The following CPPED1 variants were observed in gnomAD, a reference collection of about 807,000 sequenced individuals.
CPPED1 encodes serine/threonine-protein phosphatase CPPED1.
CPPED1 carries 28 observed loss-of-function variants against 28.0 expected under a neutral mutation model. The ratio of observed to expected loss-of-function variants is 1.00; its 90% CI spans 0.74 to 1.37. CPPED1 has a LOEUF of 1.37. Ranked by LOEUF, CPPED1 falls within the 40% of genes most tolerant of loss-of-function variation. The pLI is 0.00. For missense variants in CPPED1, 504 were observed against 416.5 expected, an observed-to-expected ratio of 1.21 and a Z score of -1.83; for synonymous variants, 198 against 180.2, an observed-to-expected ratio of 1.10 and a Z score of -0.79.
At chr16:12,740,157 AC>A (rs1439014366) in intron 2 of CPPED1, among the ~76,000 whole-genome samples, 4 of 152,120 alleles carry the variant, frequency 2.6e-5, no homozygotes, top group Non-Finnish European at 4.4e-5. Context: ...TATTTAAGAT[AC>A]TTTTTAGGCC....
intron 1 of CPPED1, among the ~76,000 whole-genome samples, chr16:12,789,890 T>C (rs1266997005): frequency 3.3e-5 from 5 of 152,132 alleles, no homozygotes; most frequent in Non-Finnish European, 7.3e-5. Context: ...AAATGAAAAA[T>C]TGACCTTAGA....
chr16:12,763,142 G>T (rs929276284), intron 2 of CPPED1, among the ~76,000 whole-genome samples: 1 of 151,392 alleles, frequency 6.6e-6, no homozygotes, highest in South Asian at 2.1e-4. Context: ...TGAGGCAGGA[G>T]AATTGCTTAA....
chr16:12,718,810 A>G (rs1183628200), intron 2 of CPPED1, among the ~76,000 whole-genome samples: 1 of 152,090 alleles, frequency 6.6e-6, no homozygotes, highest in Non-Finnish European at 1.5e-5. Context: ...TAAAAATACA[A>G]AAAATAGCTG....
intron 2 of CPPED1, among the ~76,000 whole-genome samples, chr16:12,728,942 T>G (rs1415703460): frequency 6.6e-6 from 1 of 152,142 alleles, no homozygotes; most frequent in African/African-American, 2.4e-5. Flanking sequence ...ACCTGGATAG[T>G]AAGTGAATGG....
chr16:12,779,311 T>A (rs1477018250), intron 2 of CPPED1, among the ~76,000 whole-genome samples: 1 of 152,030 alleles, frequency 6.6e-6, no homozygotes, highest in East Asian at 1.9e-4. Flanking sequence ...CTCAAACTCC[T>A]GGACTCAAGT....
chr16:12,762,265 G>A (rs1045252562), intron 2 of CPPED1, among the ~76,000 whole-genome samples: 28 of 152,238 alleles, frequency 1.8e-4, no homozygotes, highest in Non-Finnish European at 3.4e-4. Context: ...AGAGGGTAAC[G>A]CCACGGAGAT....
At chr16:12,710,953 G>C (rs888083495) in intron 2 of CPPED1, among the ~76,000 whole-genome samples, 2 of 152,092 alleles carry the variant, frequency 1.3e-5, no homozygotes, top group African/African-American at 4.8e-5. Context: ...ATTAAACGTA[G>C]GATTACCAGA....
intron 2 of CPPED1, among the ~76,000 whole-genome samples, chr16:12,736,262 T>C (rs2080226361): frequency 6.6e-6 from 1 of 151,922 alleles, no homozygotes; most frequent in Non-Finnish European, 1.5e-5. Context: ...TTTTTTTTTT[T>C]TGAGATGGAG....
chr16:12,695,066 C>T (rs1374542390), intron 3 of CPPED1, among the ~76,000 whole-genome samples: 1 of 152,130 alleles, frequency 6.6e-6, no homozygotes, highest in Non-Finnish European at 1.5e-5. Context: ...GCATGAGCCA[C>T]CACACTCAGC....
At chr16:12,685,735 C>T (rs1279947110) in intron 3 of CPPED1, among the ~76,000 whole-genome samples, 3 of 152,200 alleles carry the variant, frequency 2.0e-5, no homozygotes, top group African/African-American at 7.2e-5. Context: ...CAGCTTCATT[C>T]CCCAAACCAG....
chr16:12,717,544 G>A (rs1047144339), intron 2 of CPPED1, among the ~76,000 whole-genome samples: 2 of 152,176 alleles, frequency 1.3e-5, no homozygotes, highest in Non-Finnish European at 2.9e-5. Flanking sequence ...GATTACAGGC[G>A]TGAGCCACCG....
chr16:12,803,584 C>T (rs2080673891), intron 1 of CPPED1, 123 bp downstream of exon 1: 2 of 859,236 alleles, frequency 2.3e-6, no homozygotes, highest in South Asian at 4.6e-5. Context: ...ATGGCGGCTC[C>T]CAGGCCCCGG....
rs1162256710 is a variant in CPPED1, at chr16:12,708,432, G to A, written c.290-3383C>T. Reference sequence around the variant, plus strand: ...CTAAGATAATGATGTCTAGAGTCTGGTACAAACAAGAATGCAAAGCTGTCA... The same window carrying A: ...CTAAGATAATGATGTCTAGAGTCTGATACAAACAAGAATGCAAAGCTGTCA... On this transcript the variant is annotated intron_variant, in intron 2 of 3. Transcript: ENST00000381774. Among the ~76,000 whole-genome samples the A allele has an allele frequency of 3.3e-5, 5 of 152,204 alleles. No individual in the cohort carries two copies. The East Asian group carries it at 5.8e-4, about 18-fold the overall frequency.
At chr16:12,706,296 A>G (rs1045909691) in intron 2 of CPPED1, among the ~76,000 whole-genome samples, 6 of 151,998 alleles carry the variant, frequency 3.9e-5, no homozygotes, top group African/African-American at 1.4e-4. Context: ...GGTTAAATCC[A>G]GGAAACAGAA....
At chr16:12,774,340 C>A (rs770804666) in intron 2 of CPPED1, among the ~76,000 whole-genome samples, 1 of 151,826 alleles carries the variant, frequency 6.6e-6, no homozygotes, top group Non-Finnish European at 1.5e-5. Flanking sequence ...TGGTGGCAGG[C>A]GCCTGTAATC....
At chr16:12,772,057 A>G (rs912760535) in intron 2 of CPPED1, among the ~76,000 whole-genome samples, 2 of 152,174 alleles carry the variant, frequency 1.3e-5, no homozygotes, top group Admixed American at 1.3e-4. Context: ...CGGGAGGCGG[A>G]GGTTGCAGTG....
intron 2 of CPPED1, among the ~76,000 whole-genome samples, chr16:12,735,878 C>T (rs2080224244): frequency 6.6e-6 from 1 of 152,214 alleles, no homozygotes; most frequent in Admixed American, 6.5e-5. Flanking sequence ...TAAAAAGAGG[C>T]CTGCATCCCC....
At position 12,730,157 on chromosome 16, in the gene CPPED1, C is replaced by T. The variant is rs1052737288; in HGVS notation, c.290-25108G>A. Among the ~76,000 whole-genome samples the T allele has an allele frequency of 5.3e-5, 8 of 152,198 alleles. No homozygotes were observed. In the East Asian group the frequency reaches 1.5e-3, roughly 29 times the overall value. ...GATTACACGTGTGAGCCACCACGGCCAGCTAATTTTTTTTAAAATTTTTTT... is the reference window on the plus strand; with the variant it reads ...GATTACACGTGTGAGCCACCACGGCTAGCTAATTTTTTTTAAAATTTTTTT... On this transcript the variant is annotated intron_variant, in intron 2 of 3. Coordinates refer to ENST00000381774, the MANE Select transcript of CPPED1 (RefSeq NM_018340.3).
intron 2 of CPPED1, among the ~76,000 whole-genome samples, chr16:12,714,030 T>C (rs544501062): frequency 3.5e-4 from 53 of 152,300 alleles, no homozygotes; most frequent in African/African-American, 1.3e-3. Context: ...TAGAATCATA[T>C]AAAATGTAGG....
Sources: gnomAD v4.1 joint callset for allele counts (sites outside exome capture counted in the v4.1 genomes callset) on GRCh38, gnomAD v4.1.1 for gene constraint, MANE v1.5 for transcripts, NCBI Gene and HGNC (gene_info 2026-07-23, HGNC 2026-07-21) for gene names.